Variants in ITIH4 observed in about 807,000 individuals in gnomAD.
ITIH4 encodes the protein inter-alpha-trypsin inhibitor heavy chain 4.
Under a neutral mutation model 111.8 loss-of-function variants are expected in ITIH4, and 79 were observed. That is an observed-to-expected ratio of 0.71 (90% confidence interval 0.59 to 0.85). The LOEUF (loss-of-function observed/expected upper bound fraction) is 0.85. ITIH4 is among the 40% of genes least tolerant of loss of function. ITIH4 has a pLI of 0.00. For synonymous variants in ITIH4, 472 were observed against 468.3 expected, an observed-to-expected ratio of 1.01 and a Z score of -0.10; for missense variants, 1,065 against 1,195.8, an observed-to-expected ratio of 0.89 and a Z score of 1.61.
intron 1 of ITIH4, among the ~76,000 whole-genome samples, chr3:52,829,567 C>T (rs904027343): frequency 3.3e-5 from 5 of 152,198 alleles, no homozygotes; most frequent in Non-Finnish European, 5.9e-5. Flanking sequence ...TGGAGAAGAA[C>T]AAGCATGCAG....
chr3:52,830,626 G>A lies in ITIH4; in HGVS notation c.17C>T (p.Pro6Leu). 1 of 1,608,354 alleles carries A rather than the reference G, an allele frequency of 6.2e-7. No homozygotes were observed. Among genetic ancestry groups the A allele is most frequent in the Middle Eastern group, 1.7e-4 (1 of 6,040 alleles). MKPPR[P>L]VRTCSKVLVL... ...GAGAACTTTGCTGCAGGTACGGACA[G>A]GCCTTGGGGGCTTCATCGTGGCTCC... Residue 6 changes from proline (P) to leucine (L), a missense_variant, in exon 1 of 24, where the codon CCT becomes CTT. Transcript: ENST00000266041.
chr3:52,829,211 G>A lies in ITIH4; in HGVS notation c.159C>T (p.Val53=). Reference sequence around the variant, plus strand: ...TGGCCCTATTGACCACTCGGCTGGTGACGACCGTGTGGGCAAATCGGGATG... The same window carrying A: ...TGGCCCTATTGACCACTCGGCTGGTAACGACCGTGTGGGCAAATCGGGATG... ...RVSSRFAHTV[V]TSRVVNRANT... Residue 53 remains valine, a synonymous_variant, in exon 2 of 24, where the codon GTC becomes GTT. Transcript: ENST00000266041. 1 of 1,613,826 alleles carries A rather than the reference G, an allele frequency of 6.2e-7. No homozygotes were observed. Among genetic ancestry groups the A allele is most frequent in the Non-Finnish European group, 8.5e-7 (1 of 1,179,758 alleles).
At chr3:52,826,999 T>C in intron 3 of ITIH4, 46 bp from the exon 4 acceptor site, 4 of 1,613,274 alleles carry the variant, frequency 2.5e-6, no homozygotes, top group Non-Finnish European at 3.4e-6. Context: ...ACAGGTGGGG[T>C]AAGGCTGGTA....
Position 52,824,757 on chromosome 3 carries a change from C to T in ITIH4, c.876+85G>A. ...CGCCCCATGGTGCCGAAAGGTGAAG[C>T]AAGGGGGTCTGCCTGCCGGACCACA... On this transcript the variant is annotated intron_variant, in intron 7 of 23. Coordinates refer to ENST00000266041, the MANE Select transcript of ITIH4 (RefSeq NM_002218.5). The surrounding 1 kb of genome is among the most constrained non-coding windows in gnomAD (Gnocchi z 4.3). 2 of 1,313,838 alleles carry T rather than the reference C, an allele frequency of 1.5e-6. No homozygotes were observed. The highest frequency in any genetic ancestry group is 1.1e-6 in the Non-Finnish European group (1 of 936,102). The allele number at this position is 1,313,838 out of a possible 1,614,324, so 81.4% of individuals were successfully genotyped here. A position where few individuals can be genotyped will look rare whatever the true frequency, so the allele number is the denominator to read the frequency against.
Position 52,814,332 on chromosome 3 carries a change from G to C in ITIH4, c.2503C>G (p.Leu835Val). 6.2e-7 allele frequency: 1 copy of C among 1,614,040 alleles called. No homozygotes were observed. The highest frequency in any genetic ancestry group is 8.5e-7 in the Non-Finnish European group (1 of 1,179,950). ...ACTTTGTCTGGGTCACTGAGCAGCAGGAGACCCGTCTTGTCCATGGTCATC... is the reference window on the plus strand; with the variant it reads ...ACTTTGTCTGGGTCACTGAGCAGCACGAGACCCGTCTTGTCCATGGTCATC... ...LKMTMDKTGLLLLSDPDKVTI... is the reference protein window; with the variant it reads ...LKMTMDKTGLVLLSDPDKVTI... Residue 835 changes from leucine (L) to valine (V), a missense_variant, in exon 22 of 24, where the codon CTG becomes GTG. Coordinates refer to ENST00000266041, the MANE Select transcript of ITIH4 (RefSeq NM_002218.5).
At chr3:52,827,309 C>T in intron 2 of ITIH4, 112 bp from the exon 3 acceptor site, 2 of 825,656 alleles carry the variant, frequency 2.4e-6, no homozygotes, top group South Asian at 1.5e-5. Context: ...CACAGTGACT[C>T]CCATCTTTGC....
At position 52,818,288 on chromosome 3, in the gene ITIH4, A is replaced by C; in HGVS notation, c.2153-5T>G. On this transcript the variant is annotated splice_polypyrimidine_tract_variant and splice_region_variant and intron_variant, in intron 18 of 23. Transcript: ENST00000266041. ...TTTGGGTTGTCATGGTTGTTTCTAA[A>C]AGAAGAAAAAGTCTGGGTTTAGGCA... 6.3e-7 allele frequency: 1 copy of C among 1,576,008 alleles called. No individual in the cohort carries two copies.
rs1700361132 is a variant in ITIH4 at position 52,820,467 on chromosome 3, G to A, written c.1835-150C>T. On this transcript the variant is annotated intron_variant, in intron 13 of 23. Transcript: ENST00000266041. ...TAGGTGCAATGAATTTGGGGAGACA[G>A]GAGACCCGGCTTCACTTTCCTCATC... is the stretch of plus-strand genomic sequence containing the variant. 5 of 1,162,628 alleles carry A rather than the reference G, an allele frequency of 4.3e-6. No individual in the cohort carries two copies. In the Admixed American group the frequency reaches 6.9e-5, roughly 16 times the overall value. 72.0% of individuals were successfully genotyped at this position (1,162,628 alleles called of 1,614,324 possible). A position where few individuals can be genotyped will look rare whatever the true frequency, so the allele number is the denominator to read the frequency against.
chr3:52,814,312 G>C lies in ITIH4; in HGVS notation c.2523C>G (p.Asp841Glu), dbSNP rs1440027935. The C allele has an allele frequency of 1.2e-6, 2 of 1,614,034 alleles. No individual in the cohort carries two copies. Among genetic ancestry groups the C allele is most frequent in the South Asian group, 1.1e-5 (1 of 91,064 alleles). ...KTGLLLLSDP[D>E]KVTIGLLFWD... Reference sequence around the variant, plus strand: ...AGAACAACAGGCCGATGGTCACTTTGTCTGGGTCACTGAGCAGCAGGAGAC... The same window carrying C: ...AGAACAACAGGCCGATGGTCACTTTCTCTGGGTCACTGAGCAGCAGGAGAC... The change falls in exon 22 of 24, where the codon GAC (aspartate) becomes GAG (glutamate). Residue 841 changes from aspartate (D) to glutamate (E), a missense_variant. Asp to Glu is a conservative substitution (Grantham distance 45, BLOSUM62 2). Transcript: ENST00000266041.
chr3:52,824,099 T>C lies in ITIH4; in HGVS notation c.1171+91A>G. On this transcript the variant is annotated intron_variant, in intron 9 of 23. Transcript: ENST00000266041. The surrounding 1 kb of genome is among the most constrained non-coding windows in gnomAD (Gnocchi z 4.3). ...GAGCCGAGGGGCCTCAGTGACCCCC[T>C]CTCCCTGCCCAGATCCCACAGCAAG... 1 of 1,573,618 alleles carries C rather than the reference T, an allele frequency of 6.4e-7. No individual in the cohort carries two copies. Among genetic ancestry groups the C allele is most frequent in the Non-Finnish European group, 8.6e-7 (1 of 1,156,528 alleles).
chr3:52,826,109 C>T, intron 5 of ITIH4, 95 bp from the exon 6 acceptor site: 5 of 1,527,016 alleles, frequency 3.3e-6, no homozygotes, highest in Non-Finnish European at 4.4e-6. Context: ...ATCAGAATTC[C>T]AGGATGCAGC....
intron 21 of ITIH4, among the ~76,000 whole-genome samples, chr3:52,815,458 T>A (rs1204647247): frequency 6.6e-6 from 1 of 151,868 alleles, no homozygotes; most frequent in Non-Finnish European, 1.5e-5. Flanking sequence ...GCCAGGCTGG[T>A]CTCCAATTCC....
At chr3:52,813,522 G>A in intron 23 of ITIH4, 32 bp from the exon 24 acceptor site, 1 of 1,597,834 alleles carries the variant, frequency 6.3e-7, no homozygotes, top group Middle Eastern at 1.7e-4. Flanking sequence ...ATAGGCAGGT[G>A]GTCAGCAAAT....
rs943137036 is a variant in ITIH4, at chr3:52,819,757, G to T, written c.1948C>A (p.Gln650Lys). 4 of 1,613,892 alleles carry T rather than the reference G, an allele frequency of 2.5e-6. No homozygotes were observed. The East Asian group carries it at 8.9e-5, about 36-fold the overall frequency. Residue 650 changes from glutamine (Q) to lysine (K), a missense_variant, in exon 16 of 24, where the codon CAA (glutamine) becomes AAA (lysine). Coordinates refer to ENST00000266041, the MANE Select transcript of ITIH4 (RefSeq NM_002218.5). ...SFSPRRGWNRQAGAAGSRMNF... is the reference protein window; with the variant it reads ...SFSPRRGWNRKAGAAGSRMNF... ...CTGGCAGAAACCCTCAAACTACCTT[G>T]TCTATTCCATCCTCTTCTTGGAGAA...
rs1700460792 is a variant in ITIH4 at position 52,825,024 on chromosome 3, C to T, written c.760-66G>A. ...AATTGGCCCTATCCCCATTCAGCCC[C>T]TTTACCCCAAATTCTGGGTTTCTGT... On this transcript the variant is annotated intron_variant, in intron 6 of 23. Transcript: ENST00000266041. 6.5e-6 allele frequency: 7 copies of T among 1,082,926 alleles called. No homozygotes were observed. The Admixed American group carries it at 1.5e-4, about 23-fold the overall frequency. The allele number at this position is 1,082,926 out of a possible 1,614,324, so 67.1% of individuals were successfully genotyped here.
chr3:52,825,075 C>A, intron 6 of ITIH4, 117 bp from the exon 7 acceptor site: 1 of 624,178 alleles, frequency 1.6e-6, no homozygotes, highest in East Asian at 2.9e-5. Flanking sequence ...CATTTCCATC[C>A]CACTGCTAAC....
chr3:52,818,350 C>A (rs2154111256), intron 18 of ITIH4, 67 bp from the exon 19 acceptor site: 1 of 1,568,214 alleles, frequency 6.4e-7, no homozygotes, highest in Non-Finnish European at 8.7e-7. Flanking sequence ...AGGGAGGGAG[C>A]AGTGACTAGG....
chr3:52,826,016 T>C lies in ITIH4; in HGVS notation c.631-2A>G. ...TGTTGGCTTGAACCGGATGTGAGCC[T>C]GGAGGAATAATCCGGGCTGAAGTTG... On this transcript the variant is annotated splice_acceptor_variant, in intron 5 of 23. Transcript: ENST00000266041. LOFTEE classifies it high-confidence loss of function. 3 of 1,614,018 alleles carry C rather than the reference T, an allele frequency of 1.9e-6. No individual in the cohort carries two copies. The highest frequency in any genetic ancestry group is 2.5e-6 in the Non-Finnish European group (3 of 1,179,924).
intron 21 of ITIH4, 69 bp from the exon 22 acceptor site, chr3:52,814,432 G>C: frequency 1.4e-6 from 2 of 1,425,490 alleles, no homozygotes; most frequent in South Asian, 2.4e-5. Context: ...TAGTCAGGGT[G>C]GGGAGTGGGC....
Sources: gnomAD v4.1 joint callset for allele counts (sites outside exome capture counted in the v4.1 genomes callset) on GRCh38, gnomAD v4.1.1 for gene constraint, Gnocchi (gnomAD v3.1) non-coding constraint, MANE v1.5 for transcripts, NCBI Gene and HGNC (gene_info 2026-07-23, HGNC 2026-07-21) for gene names.